USP34: variants seen among roughly 807,000 people sequenced by gnomAD.
USP34 encodes the protein ubiquitin carboxyl-terminal hydrolase 34.
Under a neutral mutation model 460.3 loss-of-function variants are expected in USP34, and 70 were observed. The observed-to-expected ratio is 0.15, with a 90% confidence interval of 0.13 to 0.19. USP34 has a LOEUF of 0.19. USP34 is among the 10% of genes least tolerant of loss of function. USP34 has a pLI of 1.00. For missense variants in USP34, 3,985 were observed against 4,236.2 expected (o/e 0.94, Z 1.65); for synonymous variants, 1,647 against 1,405.3 (o/e 1.17, Z -3.85).
chr2:61,352,551 C>T (rs1452679304), intron 10 of USP34, among the ~76,000 whole-genome samples: 6 of 151,524 alleles, frequency 4.0e-5, no homozygotes, highest in Admixed American at 2.0e-4. Flanking sequence ...AATTTTAAAA[C>T]GCCTAAGCTC....
intron 18 of USP34, among the ~76,000 whole-genome samples, chr2:61,335,741 T>G (rs964050782): frequency 2.6e-5 from 4 of 152,176 alleles, no homozygotes; most frequent in Non-Finnish European, 4.4e-5. Flanking sequence ...ACAGTGAGAC[T>G]GTCTCAAAGA....
intron 1 of USP34, among the ~76,000 whole-genome samples, chr2:61,438,080 A>G (rs1401565150): frequency 6.6e-6 from 1 of 152,180 alleles, no homozygotes; most frequent in Non-Finnish European, 1.5e-5. Flanking sequence ...AGTGTCCTTG[A>G]TAAACATAGA....
At chr2:61,470,570 G>T in intron 1 of USP34, 80 bp downstream of exon 1, 1 of 1,013,462 alleles carries the variant, frequency 9.9e-7, no homozygotes, top group Non-Finnish European at 1.5e-6. Context: ...CCCGCAGGCC[G>T]CGGCAGCCCG....
chr2:61,425,856 G>A (rs1694495343), intron 1 of USP34, among the ~76,000 whole-genome samples: 1 of 151,986 alleles, frequency 6.6e-6, no homozygotes, highest in Non-Finnish European at 1.5e-5. Flanking sequence ...ACAGCTCAGG[G>A]CTCCAAGAAA....
chr2:61,231,742 G>A (rs1056749850), intron 58 of USP34, among the ~76,000 whole-genome samples: 2 of 151,918 alleles, frequency 1.3e-5, no homozygotes, highest in East Asian at 1.9e-4. Context: ...ATTACCAGGT[G>A]TGGTGGTGTG....
At chr2:61,382,194 A>C (rs1335670684) in intron 6 of USP34, among the ~76,000 whole-genome samples, 1 of 152,174 alleles carries the variant, frequency 6.6e-6, no homozygotes, top group Non-Finnish European at 1.5e-5. Flanking sequence ...AAGCCAAATA[A>C]AACTTTTAAA....
At chr2:61,341,749 G>A (rs185207491) in intron 16 of USP34, among the ~76,000 whole-genome samples, 1 of 144,426 alleles carries the variant, frequency 6.9e-6, no homozygotes, top group African/African-American at 2.6e-5. Flanking sequence ...CCAGACTCAG[G>A]TCTTTCTTTT....
chr2:61,382,079 T>G (rs1156890003), intron 6 of USP34, among the ~76,000 whole-genome samples: 1 of 152,198 alleles, frequency 6.6e-6, no homozygotes, highest in Non-Finnish European at 1.5e-5. Flanking sequence ...TTAACAATCC[T>G]ACTGTAAGTA....
At chr2:61,333,505 C>T (rs907584120) in intron 19 of USP34, among the ~76,000 whole-genome samples, 4 of 151,936 alleles carry the variant, frequency 2.6e-5, no homozygotes, top group African/African-American at 7.2e-5. Flanking sequence ...GTCAAGATTA[C>T]CCCAAACATG....
In USP34 at chr2:61,288,889, A is replaced by C; in HGVS notation, c.4549-12T>G. The C allele has an allele frequency of 6.2e-7, 1 of 1,610,614 alleles. No individual in the cohort carries two copies. The highest frequency in any genetic ancestry group is 2.2e-5 in the East Asian group (1 of 44,862). ...CAGTCTAGCTGCCACTGTAAATGAG[A>C]AGAAATAGTCAATTCCCTATTTTCA... On this transcript the variant is annotated splice_polypyrimidine_tract_variant and intron_variant, in intron 33 of 79. Transcript: ENST00000398571.
intron 1 of USP34, among the ~76,000 whole-genome samples, chr2:61,446,061 C>A (rs1189441827): frequency 6.9e-6 from 1 of 145,916 alleles, no homozygotes; most frequent in Non-Finnish European, 1.5e-5. Flanking sequence ...TTACAGTGAG[C>A]CAGGATTGCA....
intron 22 of USP34, among the ~76,000 whole-genome samples, chr2:61,318,293 C>G (rs1336676279): frequency 6.6e-6 from 1 of 151,634 alleles, no homozygotes; most frequent in Non-Finnish European, 1.5e-5. Flanking sequence ...TGAAGATGTA[C>G]ATAGACCCAA....
chr2:61,368,637 T>C (rs1692513817), intron 10 of USP34, among the ~76,000 whole-genome samples: 1 of 151,966 alleles, frequency 6.6e-6, no homozygotes, highest in Non-Finnish European at 1.5e-5. Context: ...ACAAATGGAA[T>C]TGGAAAAATT....
At chr2:61,468,055 A>G (rs1695834962) in intron 1 of USP34, among the ~76,000 whole-genome samples, 1 of 151,964 alleles carries the variant, frequency 6.6e-6, no homozygotes, top group South Asian at 2.1e-4. Flanking sequence ...ATCTACTTCA[A>G]CAAGTTTTAT....
chr2:61,199,476 G>C (rs1028305799), intron 75 of USP34, among the ~76,000 whole-genome samples: 2 of 152,118 alleles, frequency 1.3e-5, no homozygotes, highest in Admixed American at 1.3e-4. Context: ...GGCTGGTCTC[G>C]AACTCCTAAC....
chr2:61,348,148 G>A lies in USP34; in HGVS notation c.2007C>T (p.Ser669=), dbSNP rs775674689. The A allele has an allele frequency of 5.0e-6, 8 of 1,614,032 alleles. No individual in the cohort carries two copies. In the Admixed American group the frequency reaches 8.3e-5, roughly 17 times the overall value. The change falls in exon 15 of 80, where the codon AGC becomes AGT. Residue 669 remains serine, a synonymous_variant. Transcript: ENST00000398571. ...QGMSERNGTS[S]GTGKDLVFNT... ...TAAAAACCAGGTCCTTTCCTGTTCC[G>A]CTGCTTGTCCCATTTCTTTCTGACA...
intron 71 of USP34, 70 bp from the exon 72 acceptor site, chr2:61,206,194 A>C: frequency 5.5e-6 from 7 of 1,280,612 alleles, no homozygotes; most frequent in South Asian, 1.2e-5. Context: ...TTTCTACTGT[A>C]AACTACAGAA....
chr2:61,456,023 T>C (rs1189629331), intron 1 of USP34, among the ~76,000 whole-genome samples: 1 of 152,132 alleles, frequency 6.6e-6, no homozygotes, highest in African/African-American at 2.4e-5. Context: ...GAACCTTCCT[T>C]AAGAGAAAAT....
At chr2:61,330,958 A>C (rs542335378) in intron 20 of USP34, among the ~76,000 whole-genome samples, 1 of 152,302 alleles carries the variant, frequency 6.6e-6, no homozygotes, top group South Asian at 2.1e-4. Flanking sequence ...TAAACTGTTA[A>C]AACAAGCATA....
Sources: allele counts gnomAD v4.1 joint callset (sites outside exome capture counted in the v4.1 genomes callset), GRCh38; gene constraint gnomAD v4.1.1; transcripts MANE v1.5; gene names NCBI Gene and HGNC (gene_info 2026-07-23, HGNC 2026-07-21).